The following CEP112 variants were observed in gnomAD, a reference collection of about 807,000 sequenced individuals.
The protein encoded by CEP112 is centrosomal protein 112, also known as centrosomal protein of 112 kDa.
Under a neutral mutation model 153.0 loss-of-function variants are expected in CEP112, and 127 were observed. The ratio of observed to expected loss-of-function variants is 0.83; its 90% CI spans 0.72 to 0.96. The LOEUF (loss-of-function observed/expected upper bound fraction) is 0.96, where lower values mean the gene tolerates loss of function less well. CEP112 is among the 40% of genes least tolerant of loss of function. The pLI, the probability that CEP112 is intolerant of heterozygous loss-of-function variation, is 0.00. For synonymous variants in CEP112, 358 were observed against 374.4 expected (o/e 0.96, Z 0.51); for missense variants, 1,089 against 1,101.2 (o/e 0.99, Z 0.16).
rs551753472 is a variant in CEP112, at chr17:65,872,018, T to A, written c.2164-19984A>T. ...ATTTGCTGCTTTTTTTCTCTATTCA[T>A]AAAATGAATTCACCTGATATAAAAA... On this transcript the variant is annotated intron_variant, in intron 20 of 26. Coordinates refer to ENST00000535342, the MANE Select transcript of CEP112 (RefSeq NM_001199165.4). 3.9e-5 allele frequency among the ~76,000 whole-genome samples: 6 copies of A among 152,314 alleles called. No individual in the cohort carries two copies. The South Asian group carries it at 8.3e-4, about 21-fold the overall frequency.
chr17:65,934,882 C>G (rs1160916052), intron 18 of CEP112, among the ~76,000 whole-genome samples: 1 of 152,194 alleles, frequency 6.6e-6, no homozygotes, highest in Non-Finnish European at 1.5e-5. Context: ...AATTTACAAT[C>G]ATGGTAGATG....
chr17:66,186,053 C>T (rs1325054054), intron 1 of CEP112, among the ~76,000 whole-genome samples: 4 of 151,932 alleles, frequency 2.6e-5, no homozygotes, highest in Non-Finnish European at 5.9e-5. Flanking sequence ...TCTCCCCACC[C>T]GCTCTCTCAT....
At chr17:66,084,056 C>G (rs2146195487) in intron 8 of CEP112, among the ~76,000 whole-genome samples, 1 of 152,254 alleles carries the variant, frequency 6.6e-6, no homozygotes, top group East Asian at 1.9e-4. Context: ...AAAAGGCTGA[C>G]AGATGCAACT....
chr17:66,105,413 G>A (rs989424946), intron 6 of CEP112, among the ~76,000 whole-genome samples: 3 of 152,150 alleles, frequency 2.0e-5, no homozygotes, highest in African/African-American at 7.2e-5. Context: ...CTAATAAAAT[G>A]GCAGGAGTAA....
At chr17:65,760,631 T>C (rs902055913) in intron 21 of CEP112, among the ~76,000 whole-genome samples, 1 of 152,138 alleles carries the variant, frequency 6.6e-6, no homozygotes, top group African/African-American at 2.4e-5. Flanking sequence ...TTTTTGTACA[T>C]TGTTAGATCA....
At chr17:66,160,696 G>A (rs1598466493) in intron 4 of CEP112, among the ~76,000 whole-genome samples, 1 of 152,198 alleles carries the variant, frequency 6.6e-6, no homozygotes, top group East Asian at 1.9e-4. Flanking sequence ...ACTCAAGAAG[G>A]ATTAAAGATT....
chr17:65,850,153 C>CA (rs57086665), intron 21 of CEP112, among the ~76,000 whole-genome samples: 1,675 of 34,650 alleles, frequency 0.048, 62 homozygotes, highest in African/African-American at 0.066. Context: ...GACTCTGTCT[C>CA]AAAAAAAAAA....
intron 8 of CEP112, among the ~76,000 whole-genome samples, chr17:66,083,856 T>C (rs1037549958): frequency 3.3e-5 from 5 of 152,048 alleles, no homozygotes; most frequent in African/African-American, 4.8e-5. Context: ...AGACTCCATG[T>C]CCAAAGACAA....
chr17:65,992,410 G>T (rs2145267952), intron 17 of CEP112, among the ~76,000 whole-genome samples: 1 of 152,244 alleles, frequency 6.6e-6, no homozygotes, highest in Non-Finnish European at 1.5e-5. Context: ...AGCAAGAAAA[G>T]ATATGTTTCC....
intron 23 of CEP112, among the ~76,000 whole-genome samples, chr17:65,720,991 T>TTC (rs780679393): frequency 7.1e-6 from 1 of 140,418 alleles, no homozygotes; most frequent in Non-Finnish European, 1.5e-5. Context: ...CTTTTAAGTT[T>TTC]TATCTCTCTC....
At chr17:66,181,715 C>T (rs1358230149) in intron 2 of CEP112, among the ~76,000 whole-genome samples, 2 of 152,036 alleles carry the variant, frequency 1.3e-5, no homozygotes, top group African/African-American at 4.8e-5. Context: ...AATACATTTA[C>T]AATGAGAAAT....
chr17:65,865,573 C>T (rs1164865338), intron 20 of CEP112, among the ~76,000 whole-genome samples: 2 of 152,200 alleles, frequency 1.3e-5, no homozygotes, highest in East Asian at 3.9e-4. Context: ...CCTGGAGCCT[C>T]TGCCACGGCC....
intron 10 of CEP112, 66 bp downstream of exon 10, chr17:66,066,712 T>A (rs908713): frequency 1 from 1,100,655 of 1,102,074 alleles, 549,633 homozygotes; most frequent in East Asian, 1. Flanking sequence ...ATCAAATTTT[T>A]TTCTCCACAT....
chr17:65,642,718 T>G (rs35452323), intron 24 of CEP112, among the ~76,000 whole-genome samples: 62,232 of 152,016 alleles, frequency 0.41, 13,397 homozygotes, highest in Middle Eastern at 0.55. Context: ...CTTGAGTCAG[T>G]TAGCTGATTC....
At chr17:65,790,997 T>C (rs2054562377) in intron 21 of CEP112, among the ~76,000 whole-genome samples, 2 of 150,332 alleles carry the variant, frequency 1.3e-5, no homozygotes, top group African/African-American at 4.9e-5. Flanking sequence ...CAGGCTACCC[T>C]ATCTATATCC....
chr17:66,036,477 G>A (rs910733701), intron 12 of CEP112, among the ~76,000 whole-genome samples: 2 of 152,072 alleles, frequency 1.3e-5, no homozygotes, highest in South Asian at 2.1e-4. Context: ...ATGGACCACC[G>A]ACGTATTTTG....
chr17:66,079,256 A>T (rs957404784), intron 8 of CEP112, among the ~76,000 whole-genome samples: 2 of 152,184 alleles, frequency 1.3e-5, no homozygotes, highest in South Asian at 4.1e-4. Context: ...CCTGATCAAC[A>T]TGGTAAAACC....
intron 21 of CEP112, among the ~76,000 whole-genome samples, chr17:65,802,658 C>G (rs1224548868): frequency 2.0e-5 from 3 of 152,068 alleles, no homozygotes; most frequent in Admixed American, 6.6e-5. Flanking sequence ...TTATACATAC[C>G]CCATGGAAAG....
At chr17:66,010,264 T>A (rs1000799755) in intron 16 of CEP112, among the ~76,000 whole-genome samples, 2 of 152,168 alleles carry the variant, frequency 1.3e-5, no homozygotes, top group Non-Finnish European at 2.9e-5. Context: ...TCAGCTTGGG[T>A]GTTGCTGGTG....
Sources: gnomAD v4.1 joint callset for allele counts (sites outside exome capture counted in the v4.1 genomes callset) on GRCh38, gnomAD v4.1.1 for gene constraint, MANE v1.5 for transcripts, NCBI Gene and HGNC (gene_info 2026-07-23, HGNC 2026-07-21) for gene names.